Variants in STARD13 observed in about 807,000 individuals in gnomAD.
STARD13 encodes StAR related lipid transfer domain containing 13, also known as stAR-related lipid transfer protein 13.
Under a neutral mutation model 106.4 loss-of-function variants are expected in STARD13, and 62 were observed. That is an observed-to-expected ratio of 0.58 (90% CI 0.48 to 0.72). The LOEUF (loss-of-function observed/expected upper bound fraction) is 0.72. STARD13 is among the 30% of genes least tolerant of loss of function. The probability of loss-of-function intolerance (pLI) is 0.00; values close to 1 mark genes in which losing one functional copy is unlikely to be tolerated. For missense variants in STARD13, 1,387 were observed against 1,424.0 expected (o/e 0.97, Z 0.42); for synonymous variants, 565 against 553.0 (o/e 1.02, Z -0.31).
chr13:33,477,319 C>T, the STARD13 span, among the ~76,000 whole-genome samples: 3 of 152,170 alleles, frequency 2.0e-5, no homozygotes, highest in Non-Finnish European at 4.4e-5. Flanking sequence ...AAAATGTTTA[C>T]TTGGCTATAA....
Position 33,129,170 on chromosome 13 carries a change from A to G in STARD13, c.1507T>C (p.Trp503Arg). 6.2e-7 allele frequency: 1 copy of G among 1,614,216 alleles called. No individual in the cohort carries two copies. The highest frequency in any genetic ancestry group is 8.5e-7 in the Non-Finnish European group (1 of 1,180,042). Residue 503 changes from tryptophan (W) to arginine (R), a missense_variant, in exon 5 of 14, where the codon TGG becomes CGG. Transcript: ENST00000336934. ...VNGLQEVVDD[W>R]SKDVLPELQT... ...AGTTCAGGCAAGACATCTTTGGACC[A>G]GTCATCGACTACCTCTTGGAGCCCA... is the stretch of plus-strand genomic sequence containing the variant.
chr13:33,491,916 G>T, the STARD13 span, among the ~76,000 whole-genome samples: 1 of 152,172 alleles, frequency 6.6e-6, no homozygotes, highest in Admixed American at 6.5e-5. Context: ...GAGCAATAAA[G>T]CTTTTTAATC....
chr13:33,467,703 G>A, the STARD13 span, among the ~76,000 whole-genome samples: 8 of 152,114 alleles, frequency 5.3e-5, no homozygotes, highest in Non-Finnish European at 8.8e-5. Context: ...GCTACCATGC[G>A]CCAGGCACTT....
the STARD13 span, among the ~76,000 whole-genome samples, chr13:33,488,647 C>T: frequency 0.26 from 39,451 of 152,102 alleles, 6,289 homozygotes; most frequent in Non-Finnish European, 0.36. Context: ...TTCTACCAGA[C>T]ATTTCCTGAT....
upstream of STARD13, among the ~76,000 whole-genome samples, chr13:33,286,730 A>G (rs1892076124): frequency 6.6e-6 from 1 of 152,112 alleles, no homozygotes; most frequent in African/African-American, 2.4e-5. Context: ...GAATTCTGAT[A>G]GGCAGAGGCT....
chr13:33,615,330 C>T, the STARD13 span, among the ~76,000 whole-genome samples: 28 of 152,102 alleles, frequency 1.8e-4, no homozygotes, highest in Non-Finnish European at 7.4e-5. Context: ...AGCAGAGGTA[C>T]AGGAGGAGAT....
chr13:33,143,939 T>A (rs920547483), intron 3 of STARD13, among the ~76,000 whole-genome samples: 10 of 152,210 alleles, frequency 6.6e-5, no homozygotes, highest in African/African-American at 2.4e-4. Context: ...AGTCACAAAT[T>A]AGTACCCATC....
chr13:33,358,044 G>A, the STARD13 span, among the ~76,000 whole-genome samples: 5 of 152,206 alleles, frequency 3.3e-5, no homozygotes, highest in Non-Finnish European at 7.3e-5. Context: ...GTTCCGGGTG[G>A]GCGTGGGCTT....
chr13:33,546,242 A>C, the STARD13 span, among the ~76,000 whole-genome samples: 1 of 152,188 alleles, frequency 6.6e-6, no homozygotes, highest in Non-Finnish European at 1.5e-5. Context: ...CTAAGAACAT[A>C]ATATGTAAAT....
chr13:33,109,769 G>C (rs75480366), intron 12 of STARD13, 104 bp downstream of exon 12: 10 of 1,062,672 alleles, frequency 9.4e-6, no homozygotes. Context: ...AGTGTTCCCC[G>C]TGGAGGCTGG....
At chr13:33,341,599 A>T (rs1037443934) in intron 1 of STARD13, among the ~76,000 whole-genome samples, 1 of 151,862 alleles carries the variant, frequency 6.6e-6, no homozygotes, top group African/African-American at 2.4e-5. Flanking sequence ...TCCAAAAAAA[A>T]AAAAAAAGAA....
At chr13:33,303,706 G>A (rs1226276022) in intron 1 of STARD13, among the ~76,000 whole-genome samples, 1 of 152,126 alleles carries the variant, frequency 6.6e-6, no homozygotes, top group East Asian at 1.9e-4. Flanking sequence ...AAGACAATCA[G>A]GGAGATTATT....
intron 1 of STARD13, among the ~76,000 whole-genome samples, chr13:33,213,225 C>A (rs1484390863): frequency 6.6e-6 from 1 of 152,078 alleles, no homozygotes; most frequent in East Asian, 1.9e-4. Context: ...GTGGACATTT[C>A]ACTGCACATA....
the STARD13 span, among the ~76,000 whole-genome samples, chr13:33,618,813 G>C: frequency 6.6e-6 from 1 of 151,974 alleles, no homozygotes; most frequent in African/African-American, 2.4e-5. Context: ...AGTGCACAGT[G>C]CTTTTGCTGA....
chr13:33,292,813 C>G (rs981062078), intron 1 of STARD13, among the ~76,000 whole-genome samples: 1 of 152,122 alleles, frequency 6.6e-6, no homozygotes, highest in African/African-American at 2.4e-5. Flanking sequence ...TGTCTGTGAT[C>G]TTTTAAACCA....
the STARD13 span, among the ~76,000 whole-genome samples, chr13:33,667,168 T>G: frequency 6.6e-6 from 1 of 152,242 alleles, no homozygotes; most frequent in Non-Finnish European, 1.5e-5. Context: ...TTTAAGAAGC[T>G]TCTGAAAGAT....
At position 33,112,945 on chromosome 13, in the gene STARD13, G is replaced by A; in HGVS notation, c.2282-14C>T. On this transcript the variant is annotated splice_polypyrimidine_tract_variant and intron_variant, in intron 8 of 13. Transcript: ENST00000336934. The stretch of plus-strand genomic sequence containing the variant: ...CTTTGGAGACATCTGAGGAAAAGTG[G>A]ATGCCAGGTCATTGGAGGAGCAGAC... 1 of 1,591,020 alleles carries A rather than the reference G, an allele frequency of 6.3e-7. No homozygotes were observed.
At chr13:33,267,166 A>G (rs1284923344) in intron 1 of STARD13, among the ~76,000 whole-genome samples, 1 of 152,178 alleles carries the variant, frequency 6.6e-6, no homozygotes, top group African/African-American at 2.4e-5. Context: ...AGGACAGCAC[A>G]CTTTCACAAA....
chr13:33,220,721 C>T (rs1169926600), intron 1 of STARD13, among the ~76,000 whole-genome samples: 1 of 152,022 alleles, frequency 6.6e-6, no homozygotes, highest in Non-Finnish European at 1.5e-5. Flanking sequence ...AAAATAAAGG[C>T]TGCATTTAAT....
Sources: gnomAD v4.1 joint callset for allele counts (sites outside exome capture counted in the v4.1 genomes callset) on GRCh38, gnomAD v4.1.1 for gene constraint, MANE v1.5 for transcripts, NCBI Gene and HGNC (gene_info 2026-07-23, HGNC 2026-07-21) for gene names.